LMO3: variants seen among roughly 807,000 people sequenced by gnomAD.
LMO3 encodes the protein LIM domain only protein 3.
LMO3 carries 2 observed loss-of-function variants against 15.8 expected under a neutral mutation model. The observed-to-expected ratio is 0.13, with a 90% CI of 0.05 to 0.40. The LOEUF (loss-of-function observed/expected upper bound fraction) is 0.40. Ranked by LOEUF, LMO3 falls within the 10% of genes least tolerant of loss-of-function variation. The pLI is 0.99. For synonymous variants in LMO3, 62 were observed against 63.8 expected, an observed-to-expected ratio of 0.97 and a Z score of 0.13; for missense variants, 86 against 182.2, an observed-to-expected ratio of 0.47 and a Z score of 3.04.
rs1007916776 is a variant in LMO3 at position 16,555,229 on chromosome 12, A to G, written c.333-3902T>C. On this transcript the variant is annotated intron_variant, in intron 3 of 3. Transcript: ENST00000537304. This position sits in a 1 kb window ranked among gnomAD's most constrained non-coding sequence, Gnocchi z 5.5. ...CTTAAGTTGTTCCCTAGCAAGAAAT[A>G]TTTCTCCCCTTTTTCTGTCTACTTA... Among the ~76,000 whole-genome samples the G allele has an allele frequency of 2.3e-4, 35 of 152,206 alleles. No homozygotes were observed. The highest frequency in any genetic ancestry group is 3.8e-4 in the Non-Finnish European group (26 of 68,008).
chr12:16,561,055 C>A (rs1337393766), intron 2 of LMO3, among the ~76,000 whole-genome samples: 1 of 152,074 alleles, frequency 6.6e-6, no homozygotes, highest in Admixed American at 6.6e-5. Context: ...CCTTATGGCT[C>A]TATACCATAG....
At position 16,585,334 on chromosome 12, in the gene LMO3, T is replaced by C. The variant is rs1392394019; in HGVS notation, c.206+15321A>G. ...AAGAAAAAGGATTTGCATATTTGTG[T>C]ATATATTTTTAAAAAGTGGATTAAC... On this transcript the variant is annotated intron_variant, in intron 2 of 3. Transcript: ENST00000537304. The surrounding 1 kb of genome is among the most constrained non-coding windows in gnomAD (Gnocchi z 4.7). Among the ~76,000 whole-genome samples, 2 of 152,194 alleles carry C rather than the reference T, an allele frequency of 1.3e-5. No homozygotes were observed. The highest frequency in any genetic ancestry group is 2.4e-5 in the African/African-American group (1 of 41,452).
At position 16,604,813 on chromosome 12, in the gene LMO3, C is replaced by T. The variant is rs1943933732; in HGVS notation, c.-9+1253G>A. ...GAAAAGCAGAAAGGCTTTTGAGCGGCCAGGAGTGCAGAGCGCCAGCAAAGT... is the reference window on the plus strand; with the variant it reads ...GAAAAGCAGAAAGGCTTTTGAGCGGTCAGGAGTGCAGAGCGCCAGCAAAGT... On this transcript the variant is annotated intron_variant, in intron 1 of 3. Coordinates refer to ENST00000537304, the MANE Select transcript of LMO3 (RefSeq NM_018640.5). This position sits in a 1 kb window ranked among gnomAD's most constrained non-coding sequence, Gnocchi z 5.3. 1.3e-6 allele frequency: 2 copies of T among 1,583,586 alleles called. No individual in the cohort carries two copies. Among genetic ancestry groups the T allele is most frequent in the Non-Finnish European group, 1.7e-6 (2 of 1,166,586 alleles).
intron 3 of LMO3, among the ~76,000 whole-genome samples, chr12:16,552,466 A>C (rs1942025940): frequency 6.6e-6 from 1 of 152,088 alleles, no homozygotes; most frequent in Admixed American, 6.6e-5. Context: ...AATGAGGAGC[A>C]GTTGGACTGA....
upstream of LMO3, chr12:16,610,143 C>T (rs958870069): frequency 6.6e-6 from 1 of 152,168 alleles, no homozygotes; most frequent in Non-Finnish European, 1.5e-5. Flanking sequence ...CTCTCCCTTT[C>T]TCACTTTCTT....
At chr12:16,569,055 G>A (rs186252950) in intron 2 of LMO3, among the ~76,000 whole-genome samples, 70 of 152,182 alleles carry the variant, frequency 4.6e-4, no homozygotes, top group African/African-American at 1.5e-3. Context: ...CCAGTTTCAG[G>A]CTTACTCAGT....
At chr12:16,590,616 C>T (rs917168070) in intron 2 of LMO3, among the ~76,000 whole-genome samples, 5 of 151,538 alleles carry the variant, frequency 3.3e-5, no homozygotes, top group African/African-American at 9.7e-5. Context: ...AAAAAAAAAT[C>T]GGTATCATTG....
chr12:16,607,918 A>G (rs940098267), upstream of LMO3: 1 of 152,214 alleles, frequency 6.6e-6, no homozygotes, highest in Non-Finnish European at 1.5e-5. Context: ...TTAAAAGGCA[A>G]CAAAACTCAG....
chr12:16,563,205 C>G (rs1942465077), intron 2 of LMO3, among the ~76,000 whole-genome samples: 1 of 152,060 alleles, frequency 6.6e-6, no homozygotes, highest in African/African-American at 2.4e-5. Context: ...TGTGGAGATG[C>G]GGAAATCTGA....
At chr12:16,556,149 G>A (rs2137287222) in intron 3 of LMO3, among the ~76,000 whole-genome samples, 1 of 152,072 alleles carries the variant, frequency 6.6e-6, no homozygotes, top group Middle Eastern at 3.4e-3. Flanking sequence ...TTACATATTT[G>A]GGAAAATTTC....
chr12:16,558,761 C>T (rs1437353971), intron 3 of LMO3, among the ~76,000 whole-genome samples: 1 of 152,100 alleles, frequency 6.6e-6, no homozygotes, highest in Non-Finnish European at 1.5e-5. Context: ...TATTGTGATA[C>T]ATGCCTTGTG....
In LMO3 at chr12:16,589,521, T is replaced by C. The variant is rs537647679; in HGVS notation, c.206+11134A>G. The C allele has an allele frequency of 3.9e-5, 6 of 152,122 alleles. No homozygotes were observed. Among genetic ancestry groups the C allele is most frequent in the Non-Finnish European group, 7.4e-5 (5 of 68,014 alleles). The allele number at this position is 152,122 out of a possible 1,614,324, so 9.4% of individuals were successfully genotyped here. A position where few individuals can be genotyped will look rare whatever the true frequency, so the allele number is the denominator to read the frequency against. The stretch of plus-strand genomic sequence containing the variant: ...TAAAATCTCCTGAAAAATTATGTCT[T>C]TTTTAGGTTGCTGCAGAAGTCAAGA... On this transcript the variant is annotated intron_variant, in intron 2 of 3. Transcript: ENST00000537304. The surrounding 1 kb of genome is among the most constrained non-coding windows in gnomAD (Gnocchi z 4.2).
At chr12:16,564,843 T>C (rs1942535848) in intron 2 of LMO3, among the ~76,000 whole-genome samples, 1 of 152,190 alleles carries the variant, frequency 6.6e-6, no homozygotes, top group Non-Finnish European at 1.5e-5. Flanking sequence ...TGGAATGCAG[T>C]GGTGTGACCA....
chr12:16,573,551 G>C (rs537899723), intron 2 of LMO3: 132 of 152,278 alleles, frequency 8.7e-4, no homozygotes, highest in African/African-American at 2.9e-3. Flanking sequence ...CGATAAGGGG[G>C]GCAGTTAAAA....
chr12:16,550,245 C>T lies in LMO3; in HGVS notation c.*977G>A, dbSNP rs927756199. The T allele has an allele frequency of 6.6e-6, 1 of 152,310 alleles. No homozygotes were observed. Among genetic ancestry groups the T allele is most frequent in the East Asian group, 1.9e-4 (1 of 5,186 alleles). The allele number at this position is 152,310 out of a possible 1,614,324, so 9.4% of individuals were successfully genotyped here. ...TTTATTAAGCCATAAAGTTATGAAA[C>T]CCTCAGCTCTTGTGGAGAGATCTGG... On this transcript the variant is annotated 3_prime_UTR_variant, in exon 4 of 4. Transcript: ENST00000537304.
chr12:16,548,494 T>A lies in LMO3; in HGVS notation c.*2728A>T, dbSNP rs371066231. ...TACAAACACAGGTCAACTTTTAAAC[T>A]CAGCACTCTGTTGGAGTGGAGGTGC... On this transcript the variant is annotated 3_prime_UTR_variant, in exon 4 of 4. Coordinates refer to ENST00000537304, the MANE Select transcript of LMO3 (RefSeq NM_018640.5). This position sits in a 1 kb window ranked among gnomAD's most constrained non-coding sequence, Gnocchi z 4.2. The A allele has an allele frequency of 1.3e-5, 2 of 152,156 alleles. No homozygotes were observed. The highest frequency in any genetic ancestry group is 4.8e-5 in the African/African-American group (2 of 41,432). The allele number at this position is 152,156 out of a possible 1,614,324, so 9.4% of individuals were successfully genotyped here.
intron 2 of LMO3, among the ~76,000 whole-genome samples, chr12:16,566,708 A>C (rs567032025): frequency 6.6e-6 from 1 of 152,254 alleles, no homozygotes; most frequent in Admixed American, 6.5e-5. Context: ...TTCTTTATTA[A>C]CACATACAGA....
At chr12:16,605,227 G>A (rs762625591) in intron 1 of LMO3, 706 of 1,300,040 alleles carry the variant, frequency 5.4e-4, no homozygotes, top group Non-Finnish European at 6.4e-4. Flanking sequence ...GTAACAAATG[G>A]ATTTGATTAA....
At chr12:16,592,342 T>A (rs1477263537) in intron 2 of LMO3, among the ~76,000 whole-genome samples, 1 of 152,030 alleles carries the variant, frequency 6.6e-6, no homozygotes, top group Non-Finnish European at 1.5e-5. Flanking sequence ...ATATTTTTCC[T>A]AATAAATGGT....
Sources: gnomAD v4.1 joint callset for allele counts (sites outside exome capture counted in the v4.1 genomes callset) on GRCh38, gnomAD v4.1.1 for gene constraint, Gnocchi (gnomAD v3.1) non-coding constraint, MANE v1.5 for transcripts, NCBI Gene and HGNC (gene_info 2026-07-23, HGNC 2026-07-21) for gene names.